Variants in ZNF362 observed in about 807,000 individuals in gnomAD.
ZNF362 encodes the protein zinc finger protein 362, also known as rotund homolog.
Under a neutral mutation model 42.9 loss-of-function variants are expected in ZNF362, and 11 were observed. The observed-to-expected ratio is 0.26, with a 90% CI of 0.16 to 0.42. The LOEUF (loss-of-function observed/expected upper bound fraction) is 0.42. ZNF362 is among the 20% of genes least tolerant of loss of function. The probability of loss-of-function intolerance (pLI) is 1.00; values close to 1 mark genes in which losing one functional copy is unlikely to be tolerated. For missense variants in ZNF362, 362 were observed against 576.2 expected (o/e 0.63, Z 3.81); for synonymous variants, 255 against 257.3 (o/e 0.99, Z 0.09).
At chr1:33,161,343 G>C in the ZNF362 span, among the ~76,000 whole-genome samples, 1 of 152,156 alleles carries the variant, frequency 6.6e-6, no homozygotes, top group African/African-American at 2.4e-5. The surrounding 1 kb of genome is among the most constrained non-coding windows in gnomAD (Gnocchi z 4.3). Context: ...ACGGGCTATA[G>C]AAGTGCGGCC....
chr1:33,193,723 T>C, the ZNF362 span, among the ~76,000 whole-genome samples: 3 of 152,166 alleles, frequency 2.0e-5, no homozygotes, highest in Non-Finnish European at 4.4e-5. Context: ...ATAGAACAAA[T>C]ACCGCCTGTT....
chr1:33,260,778 C>G (rs188376123), intron 1 of ZNF362, among the ~76,000 whole-genome samples: 1 of 152,230 alleles, frequency 6.6e-6, no homozygotes, highest in African/African-American at 2.4e-5. Flanking sequence ...CTTCTCCTTC[C>G]TCCCACCCCG....
chr1:33,290,120 G>A (rs551013078), intron 6 of ZNF362, among the ~76,000 whole-genome samples: 1 of 152,202 alleles, frequency 6.6e-6, no homozygotes, highest in South Asian at 2.1e-4. Flanking sequence ...TATACTTAAA[G>A]TTCTAGGGGA....
At chr1:33,182,266 C>CGCG in the ZNF362 span, among the ~76,000 whole-genome samples, 6 of 152,180 alleles carry the variant, frequency 3.9e-5, no homozygotes, top group African/African-American at 1.4e-4. Flanking sequence ...TTAGGGTCCC[C>CGCG]GCGGCGAGGC....
At chr1:33,192,273 A>T in the ZNF362 span, among the ~76,000 whole-genome samples, 13 of 152,328 alleles carry the variant, frequency 8.5e-5, no homozygotes, top group Non-Finnish European at 1.8e-4. Flanking sequence ...GAGAGACTTC[A>T]TAAATGGTTG....
At chr1:33,238,326 C>CATAAAATAAA in the ZNF362 span, among the ~76,000 whole-genome samples, 34,764 of 85,502 alleles carry the variant, frequency 0.41, 8,279 homozygotes, top group Admixed American at 0.48. Flanking sequence ...CTCAAAATAA[C>CATAAAATAAA]ATAAAATAAA....
At chr1:33,133,764 A>G in the ZNF362 span, among the ~76,000 whole-genome samples, 1 of 152,344 alleles carries the variant, frequency 6.6e-6, no homozygotes, top group South Asian at 2.1e-4. Flanking sequence ...CTGGGCTCCC[A>G]CGACACGGAG....
At position 33,281,918 on chromosome 1, in the gene ZNF362, AT is replaced by A. The variant is rs1645997452; in HGVS notation, c.908+109del. 8.3e-7 allele frequency: 1 copy of A among 1,205,282 alleles called. No homozygotes were observed. The allele number at this position is 1,205,282 out of a possible 1,614,324, so 74.7% of individuals were successfully genotyped here. ...GGGCAAGGACCTTCTCCAGGTGCCC[AT>A]TGCCCTCGGGGTCACGGCCCTTGTG... is the stretch of plus-strand genomic sequence containing the variant. On this transcript the variant is annotated intron_variant, in intron 6 of 8. Coordinates refer to ENST00000539719, the MANE Select transcript of ZNF362 (RefSeq NM_152493.3). The surrounding 1 kb of genome is among the most constrained non-coding windows in gnomAD (Gnocchi z 4.8).
chr1:33,168,537 C>T, the ZNF362 span, among the ~76,000 whole-genome samples: 5 of 152,138 alleles, frequency 3.3e-5, no homozygotes, highest in Non-Finnish European at 5.9e-5. Context: ...TGCAACCTGC[C>T]GCAGCACACC....
the ZNF362 span, among the ~76,000 whole-genome samples, chr1:33,134,552 C>A: frequency 2.0e-5 from 3 of 152,156 alleles, no homozygotes; most frequent in Admixed American, 2.0e-4. Context: ...CTAGGACCAC[C>A]AGAGACACAA....
the ZNF362 span, among the ~76,000 whole-genome samples, chr1:33,174,932 T>C: frequency 8.0e-5 from 8 of 100,302 alleles, no homozygotes; most frequent in East Asian, 2.8e-4. Flanking sequence ...CACACACACA[T>C]ACATATATGT....
the ZNF362 span, among the ~76,000 whole-genome samples, chr1:33,184,654 C>A: frequency 3.3e-5 from 5 of 152,310 alleles, no homozygotes; most frequent in Non-Finnish European, 7.3e-5. Flanking sequence ...TCCTGAATGA[C>A]TGCATGAAGT....
At position 33,275,460 on chromosome 1, in the gene ZNF362, G is replaced by T. The variant is rs1341829668; in HGVS notation, c.39-640G>T. On this transcript the variant is annotated intron_variant, in intron 2 of 8. Coordinates refer to ENST00000539719, the MANE Select transcript of ZNF362 (RefSeq NM_152493.3). The stretch of plus-strand genomic sequence containing the variant: ...CGTCGTTGTAGGTCAGATGTTGCAC[G>T]TGACATTGAACAACCACACGTGGCC... 4.5e-6 allele frequency: 4 copies of T among 898,526 alleles called. No individual in the cohort carries two copies. In the South Asian group the frequency reaches 1.5e-4, roughly 35 times the overall value. The allele number at this position is 898,526 out of a possible 1,614,324, so 55.7% of individuals were successfully genotyped here. A position where few individuals can be genotyped will look rare whatever the true frequency, so the allele number is the denominator to read the frequency against.
chr1:33,272,995 C>T (rs1012694487), intron 2 of ZNF362, among the ~76,000 whole-genome samples: 3 of 152,242 alleles, frequency 2.0e-5, no homozygotes, highest in African/African-American at 4.8e-5. Flanking sequence ...CAAGCCCCTC[C>T]CTTAGACAAG....
At chr1:33,168,174 A>G in the ZNF362 span, among the ~76,000 whole-genome samples, 1 of 152,152 alleles carries the variant, frequency 6.6e-6, no homozygotes, top group African/African-American at 2.4e-5. Flanking sequence ...TAAGATAGAA[A>G]AATACAAGCT....
chr1:33,296,062 C>G lies in ZNF362; in HGVS notation c.1146+757C>G, dbSNP rs902072263. ...TGAGCCAGACAGATCTATTTTTTGT[C>G]CCCAGGGAAATTAAGAACTGTTGGA... On this transcript the variant is annotated intron_variant, in intron 8 of 8. Transcript: ENST00000539719. Among the ~76,000 whole-genome samples the G allele has an allele frequency of 4.6e-5, 7 of 152,208 alleles. No homozygotes were observed. In the East Asian group the frequency reaches 1.4e-3, roughly 30 times the overall value.
chr1:33,192,979 C>CCACACACACA, the ZNF362 span, among the ~76,000 whole-genome samples: 29 of 139,736 alleles, frequency 2.1e-4, no homozygotes, highest in South Asian at 4.2e-3. Context: ...GTCTCTCTCT[C>CCACACACACA]CACACACACA....
Position 33,281,505 on chromosome 1 carries a change from A to C in ZNF362, c.684-82A>C, listed in dbSNP as rs1352239612. 7.3e-7 allele frequency: 1 copy of C among 1,365,350 alleles called. No homozygotes were observed. Among genetic ancestry groups the C allele is most frequent in the Non-Finnish European group, 1.0e-6 (1 of 967,446 alleles). The allele number at this position is 1,365,350 out of a possible 1,614,324, so 84.6% of individuals were successfully genotyped here. The stretch of plus-strand genomic sequence containing the variant: ...ACAGGAAAGACCTGTCCCAGGTGCA[A>C]GGTCTCTCTGATGTAGAAGGCCTCC... On this transcript the variant is annotated intron_variant, in intron 5 of 8. Coordinates refer to ENST00000539719, the MANE Select transcript of ZNF362 (RefSeq NM_152493.3). This position sits in a 1 kb window ranked among gnomAD's most constrained non-coding sequence, Gnocchi z 4.8.
At chr1:33,146,519 C>A in the ZNF362 span, 1 of 157,992 alleles carries the variant, frequency 6.3e-6, no homozygotes, top group Non-Finnish European at 1.4e-5. Flanking sequence ...GGCCTGTGGG[C>A]AGGAAGGTGG....
Sources: allele counts gnomAD v4.1 joint callset (sites outside exome capture counted in the v4.1 genomes callset), GRCh38; gene constraint gnomAD v4.1.1; non-coding constraint Gnocchi (gnomAD v3.1); transcripts MANE v1.5; gene names NCBI Gene and HGNC (gene_info 2026-07-23, HGNC 2026-07-21).